The following CLVS1 variants were observed in gnomAD, a reference collection of about 807,000 sequenced individuals.
CLVS1 encodes the protein clavesin-1.
In CLVS1, 10 loss-of-function variants were observed where a neutral mutation model predicts 33.1. The observed-to-expected ratio is 0.30, with a 90% confidence interval of 0.19 to 0.51. The LOEUF is 0.51. CLVS1 is among the 20% of genes least tolerant of loss of function. The pLI is 0.97. For missense variants in CLVS1, 343 were observed against 433.4 expected (o/e 0.79, Z 1.85); for synonymous variants, 163 against 166.1 (o/e 0.98, Z 0.14).
chr8:61,367,470 A>C (rs990456175), intron 2 of CLVS1, among the ~76,000 whole-genome samples: 3 of 152,158 alleles, frequency 2.0e-5, no homozygotes, highest in Non-Finnish European at 2.9e-5. Flanking sequence ...GACCCAGTGG[A>C]AGACTTTCCA....
chr8:61,294,929 A>G (rs1810138683), intron 1 of CLVS1, among the ~76,000 whole-genome samples: 1 of 152,222 alleles, frequency 6.6e-6, no homozygotes, highest in East Asian at 1.9e-4. Context: ...GTATGAGGAA[A>G]TACAAAAGGA....
At chr8:60,986,834 G>A in the CLVS1 span, among the ~76,000 whole-genome samples, 1 of 152,172 alleles carries the variant, frequency 6.6e-6, no homozygotes, top group Non-Finnish European at 1.5e-5. Context: ...GAACAGGTGG[G>A]TAATTGCAGA....
At chr8:61,492,539 C>CT (rs2129608679) in intron 5 of CLVS1, among the ~76,000 whole-genome samples, 1 of 152,162 alleles carries the variant, frequency 6.6e-6, no homozygotes, top group South Asian at 2.1e-4. Flanking sequence ...GGTCTTTCTT[C>CT]TTTGTTACAA....
At position 61,102,300 on chromosome 8, in the gene CLVS1, G is replaced by A. The variant is rs1473734702; in HGVS notation, c.-242-29470G>A. On this transcript the variant is annotated intron_variant, in intron 1 of 2. Coordinates refer to the CLVS1 transcript ENST00000522621. ...TCAACAATGTTTTATAGTTTTTCAC[G>A]GTATAAGTTTTACCCATATTTTGTT... Among the ~76,000 whole-genome samples, 7 of 151,762 alleles carry A rather than the reference G, an allele frequency of 4.6e-5. No homozygotes were observed. The East Asian group carries it at 7.7e-4, about 17-fold the overall frequency.
chr8:61,360,977 C>T (rs558553538), intron 2 of CLVS1, among the ~76,000 whole-genome samples: 1 of 152,098 alleles, frequency 6.6e-6, no homozygotes, highest in East Asian at 1.9e-4. Context: ...TCTCCAGAGG[C>T]CTCAGGAAAC....
chr8:61,240,955 C>G (rs1051027231), intron 2 of CLVS1, among the ~76,000 whole-genome samples: 1 of 140,010 alleles, frequency 7.1e-6, no homozygotes, highest in Non-Finnish European at 1.5e-5. Context: ...CTATAACAAA[C>G]TACCATAGAC....
At chr8:61,274,978 A>T (rs1490135750) in intron 2 of CLVS1, among the ~76,000 whole-genome samples, 1 of 152,176 alleles carries the variant, frequency 6.6e-6, no homozygotes, top group Non-Finnish European at 1.5e-5. Flanking sequence ...GAATTAATGA[A>T]GTTTTTAAAG....
chr8:61,163,112 G>A lies in CLVS1; in HGVS notation c.-152+31252G>A, dbSNP rs115042941. ...ACCCTGCCTGGACTCATAGGTTGGT[G>A]AGTCTGTGACTGAAGGCACCCCCAT... On this transcript the variant is annotated intron_variant, in intron 2 of 2. Coordinates refer to the CLVS1 transcript ENST00000522621. 3.8e-3 allele frequency among the ~76,000 whole-genome samples: 581 copies of A among 152,266 alleles called. 5 individuals are homozygous for A. The highest frequency in any genetic ancestry group is 0.014 in the African/African-American group (570 of 41,538).
intron 4 of CLVS1, 98 bp from the exon 5 acceptor site, chr8:61,458,209 T>C (rs1817236388): frequency 1.2e-6 from 1 of 808,186 alleles, no homozygotes; most frequent in African/African-American, 1.7e-5. Flanking sequence ...TCACCAGCAG[T>C]GCATCCAATT....
At position 61,350,313 on chromosome 8, in the gene CLVS1, C is replaced by T. The variant is rs187231190; in HGVS notation, c.456-26292C>T. Among the ~76,000 whole-genome samples, 263 of 152,286 alleles carry T rather than the reference C, an allele frequency of 1.7e-3. 4 individuals are homozygous for T. Among genetic ancestry groups the T allele is most frequent in the Non-Finnish European group, 4.6e-4 (31 of 68,006 alleles). On this transcript the variant is annotated intron_variant, in intron 2 of 5. Transcript: ENST00000325897. ...CCCATTTGGGTCATTGCTGACTTCTCTTTCCAGAGGTCTAGTTAGCGTCTC... is the reference window on the plus strand; with the variant it reads ...CCCATTTGGGTCATTGCTGACTTCTTTTTCCAGAGGTCTAGTTAGCGTCTC...
chr8:60,995,488 T>C, the CLVS1 span, among the ~76,000 whole-genome samples: 2 of 152,122 alleles, frequency 1.3e-5, no homozygotes, highest in African/African-American at 2.4e-5. Flanking sequence ...GTTAGAATGG[T>C]GATCATTAAA....
chr8:61,063,300 A>AGAGAGAGAGAGAAC (rs1804618571), intron 1 of CLVS1, among the ~76,000 whole-genome samples: 1 of 142,036 alleles, frequency 7.0e-6, no homozygotes, highest in Non-Finnish European at 1.5e-5. Flanking sequence ...AGAGATAGAG[A>AGAGAGAGAGAGAAC]GAGAGAGAGA....
At chr8:60,981,478 G>GAGTGT in the CLVS1 span, among the ~76,000 whole-genome samples, 2 of 152,214 alleles carry the variant, frequency 1.3e-5, no homozygotes, top group African/African-American at 4.8e-5. Context: ...GTGTGGAGTG[G>GAGTGT]CCTGCAGGAA....
chr8:61,215,283 A>G (rs1808059852), intron 2 of CLVS1, among the ~76,000 whole-genome samples: 1 of 152,208 alleles, frequency 6.6e-6, no homozygotes, highest in South Asian at 2.1e-4. Context: ...TAAATGGGCT[A>G]TATAAAAGTA....
chr8:61,254,953 G>C (rs537991701), intron 2 of CLVS1, among the ~76,000 whole-genome samples: 10 of 152,290 alleles, frequency 6.6e-5, no homozygotes, highest in African/African-American at 2.2e-4. Flanking sequence ...GATGCACCCA[G>C]TACCTCAGTT....
At chr8:61,258,708 C>T (rs770710778) in intron 2 of CLVS1, among the ~76,000 whole-genome samples, 18 of 152,130 alleles carry the variant, frequency 1.2e-4, no homozygotes, top group Non-Finnish European at 1.9e-4. Flanking sequence ...AATTCAAAAT[C>T]GCCACTAAGT....
At chr8:61,284,793 A>G (rs1809742848), upstream of CLVS1, among the ~76,000 whole-genome samples, 1 of 152,214 alleles carries the variant, frequency 6.6e-6, no homozygotes, top group Admixed American at 6.5e-5. Context: ...TATGCCAAGA[A>G]TAAGATTAAG....
upstream of CLVS1, among the ~76,000 whole-genome samples, chr8:61,287,170 A>G (rs182677484): frequency 2.0e-5 from 3 of 152,298 alleles, no homozygotes; most frequent in Admixed American, 6.5e-5. Context: ...CTTTCTCACT[A>G]TTATTCCAAC....
At chr8:61,184,437 A>C (rs1034355118) in intron 2 of CLVS1, among the ~76,000 whole-genome samples, 4 of 152,220 alleles carry the variant, frequency 2.6e-5, no homozygotes, top group African/African-American at 9.6e-5. Flanking sequence ...TGCTTCTACC[A>C]GGCGTGGGAG....
Sources: allele counts gnomAD v4.1 joint callset (sites outside exome capture counted in the v4.1 genomes callset), GRCh38; gene constraint gnomAD v4.1.1; transcripts MANE v1.5; gene names NCBI Gene and HGNC (gene_info 2026-07-23, HGNC 2026-07-21).